SDK1: variants seen among roughly 807,000 people sequenced by gnomAD.
SDK1 encodes protein sidekick-1.
In SDK1, 157 loss-of-function variants were observed where a neutral mutation model predicts 245.5. The ratio of observed to expected loss-of-function variants is 0.64; its 90% CI spans 0.56 to 0.73. SDK1 has a LOEUF of 0.73. Ranked by LOEUF, SDK1 falls within the 30% of genes least tolerant of loss-of-function variation. The probability of loss-of-function intolerance (pLI) is 0.00; values close to 1 mark genes in which losing one functional copy is unlikely to be tolerated. For missense variants in SDK1, 3,583 were observed against 3,002.3 expected (o/e 1.19, Z -4.52); for synonymous variants, 1,647 against 1,278.5 (o/e 1.29, Z -6.15).
At chr7:3,734,310 G>T (rs537339693) in intron 4 of SDK1, among the ~76,000 whole-genome samples, 2 of 152,272 alleles carry the variant, frequency 1.3e-5, no homozygotes, top group Admixed American at 1.3e-4. Flanking sequence ...TGAATTCTGT[G>T]ACTTAAAAAT....
At chr7:3,843,950 C>T (rs577251154) in intron 5 of SDK1, among the ~76,000 whole-genome samples, 3 of 152,108 alleles carry the variant, frequency 2.0e-5, no homozygotes, top group Non-Finnish European at 4.4e-5. Context: ...AAATTAATAT[C>T]CTACTACAAC....
intron 4 of SDK1, among the ~76,000 whole-genome samples, chr7:3,655,950 G>A (rs567144139): frequency 4.6e-5 from 7 of 152,106 alleles, no homozygotes; most frequent in Non-Finnish European, 7.4e-5. Context: ...GATTGGGTGC[G>A]TTTATTTGAT....
At chr7:4,093,941 T>C (rs1453199744) in intron 22 of SDK1, among the ~76,000 whole-genome samples, 2 of 152,330 alleles carry the variant, frequency 1.3e-5, no homozygotes, top group Non-Finnish European at 2.9e-5. Flanking sequence ...AGGTGAATCC[T>C]GGGGAAAATG....
intron 4 of SDK1, among the ~76,000 whole-genome samples, chr7:3,751,718 G>A (rs1282606983): frequency 6.6e-6 from 1 of 152,196 alleles, no homozygotes; most frequent in East Asian, 1.9e-4. Flanking sequence ...AGATGCGGAA[G>A]GGGGTTCCAG....
chr7:4,174,792 C>G (rs1223645769), intron 33 of SDK1, among the ~76,000 whole-genome samples: 2 of 152,154 alleles, frequency 1.3e-5, no homozygotes, highest in East Asian at 3.9e-4. Flanking sequence ...GATTTTGGCT[C>G]TGCCTGCACT....
chr7:3,423,663 A>ATACT (rs1779592957), intron 1 of SDK1, among the ~76,000 whole-genome samples: 1 of 151,924 alleles, frequency 6.6e-6, no homozygotes, highest in Non-Finnish European at 1.5e-5. Flanking sequence ...GTAACTCAGT[A>ATACT]GTCTCTAAAC....
chr7:3,631,937 A>C (rs371893956), intron 2 of SDK1, among the ~76,000 whole-genome samples: 1 of 152,100 alleles, frequency 6.6e-6, no homozygotes, highest in Non-Finnish European at 1.5e-5. Context: ...AGAGTGGTTT[A>C]GGTCTTTTTT....
intron 4 of SDK1, among the ~76,000 whole-genome samples, chr7:3,648,727 T>G (rs1782921986): frequency 6.6e-6 from 1 of 152,198 alleles, no homozygotes; most frequent in South Asian, 2.1e-4. Context: ...CTTTTAAAAT[T>G]TTATATTTTA....
intron 1 of SDK1, among the ~76,000 whole-genome samples, chr7:3,512,960 A>G (rs950333632): frequency 3.3e-5 from 5 of 152,120 alleles, no homozygotes; most frequent in Non-Finnish European, 5.9e-5. Context: ...ATTATAAACA[A>G]TATTGCCATT....
chr7:4,132,195 G>T (rs79346633), intron 27 of SDK1, 130 bp from the exon 28 acceptor site: 28,867 of 683,670 alleles, frequency 0.042, 837 homozygotes, highest in Non-Finnish European at 0.049. Context: ...ACTTTAGGGG[G>T]TTCTAAACCC....
chr7:4,109,182 T>TG (rs1185214751), intron 22 of SDK1, among the ~76,000 whole-genome samples: 1 of 152,272 alleles, frequency 6.6e-6, no homozygotes, highest in East Asian at 1.9e-4. Flanking sequence ...GGTCAGTGGC[T>TG]GGGGGCGGAG....
chr7:3,840,818 T>G (rs1398202340), intron 5 of SDK1, among the ~76,000 whole-genome samples: 1 of 152,182 alleles, frequency 6.6e-6, no homozygotes, highest in Non-Finnish European at 1.5e-5. Flanking sequence ...ATGAAAAGTC[T>G]TAGGACCCAT....
At chr7:3,687,805 C>G (rs1032127336) in intron 4 of SDK1, among the ~76,000 whole-genome samples, 1 of 152,130 alleles carries the variant, frequency 6.6e-6, no homozygotes, top group Admixed American at 6.5e-5. Flanking sequence ...TGTGTCTTGA[C>G]TGTGTTAATG....
chr7:3,532,214 T>G (rs776780209), intron 1 of SDK1, among the ~76,000 whole-genome samples: 74 of 152,194 alleles, frequency 4.9e-4, no homozygotes, highest in Non-Finnish European at 3.4e-4. Flanking sequence ...CCTTAATGAG[T>G]TTGCTTTTTA....
At chr7:3,803,824 G>C (rs546866616) in intron 4 of SDK1, among the ~76,000 whole-genome samples, 2 of 149,772 alleles carry the variant, frequency 1.3e-5, no homozygotes, top group Admixed American at 6.7e-5. Context: ...GAATGCAGTG[G>C]CATGATCTCA....
At chr7:3,912,139 G>C (rs1416831155) in intron 5 of SDK1, among the ~76,000 whole-genome samples, 1 of 152,176 alleles carries the variant, frequency 6.6e-6, no homozygotes, top group African/African-American at 2.4e-5. Context: ...TTGTTCCCTC[G>C]TTGAAGGTTT....
At chr7:4,083,215 C>G (rs1781174815) in intron 22 of SDK1, among the ~76,000 whole-genome samples, 1 of 152,122 alleles carries the variant, frequency 6.6e-6, no homozygotes, top group Non-Finnish European at 1.5e-5. Context: ...AGATAATGAA[C>G]AGGTTCCTCA....
intron 41 of SDK1, among the ~76,000 whole-genome samples, chr7:4,235,063 G>A (rs896457852): frequency 6.6e-6 from 1 of 152,148 alleles, no homozygotes; most frequent in Non-Finnish European, 1.5e-5. Flanking sequence ...GCTCGTCTGT[G>A]GGTGAGCGTG....
At chr7:3,494,849 T>G (rs984572889) in intron 1 of SDK1, among the ~76,000 whole-genome samples, 3 of 152,222 alleles carry the variant, frequency 2.0e-5, no homozygotes, top group Non-Finnish European at 4.4e-5. Context: ...TTAATGTGTA[T>G]AAGAAGTGAT....
Sources: allele counts gnomAD v4.1 joint callset (sites outside exome capture counted in the v4.1 genomes callset), GRCh38; gene constraint gnomAD v4.1.1; transcripts MANE v1.5; gene names NCBI Gene and HGNC (gene_info 2026-07-23, HGNC 2026-07-21).